The following GABRG3 variants were observed in gnomAD, a reference collection of about 807,000 sequenced individuals.
GABRG3 encodes the protein gamma-aminobutyric acid type A receptor subunit gamma3.
GABRG3 carries 25 observed loss-of-function variants against 48.8 expected under a neutral mutation model. The observed-to-expected ratio is 0.51, with a 90% CI of 0.37 to 0.72. The LOEUF is 0.72. Among genes scored for constraint, GABRG3 ranks in the 30% least tolerant of loss-of-function variants. The probability of loss-of-function intolerance (pLI) is 0.00; values close to 1 mark genes in which losing one functional copy is unlikely to be tolerated. For synonymous variants in GABRG3, 227 were observed against 217.6 expected, an observed-to-expected ratio of 1.04 and a Z score of -0.38; for missense variants, 394 against 577.9, an observed-to-expected ratio of 0.68 and a Z score of 3.26.
chr15:27,404,471 C>T (rs961351130), intron 5 of GABRG3, among the ~76,000 whole-genome samples: 4 of 152,222 alleles, frequency 2.6e-5, no homozygotes, highest in African/African-American at 7.2e-5. Context: ...TATACGTGGG[C>T]GTCAACCAGA....
At chr15:27,445,788 A>G (rs1888926561) in intron 5 of GABRG3, among the ~76,000 whole-genome samples, 2 of 152,272 alleles carry the variant, frequency 1.3e-5, no homozygotes, top group South Asian at 4.1e-4. Flanking sequence ...TTGCAGTACC[A>G]GTTATGTCCC....
chr15:27,471,181 A>C (rs1173315343), intron 5 of GABRG3, among the ~76,000 whole-genome samples: 1 of 152,142 alleles, frequency 6.6e-6, no homozygotes, highest in Non-Finnish European at 1.5e-5. Context: ...GCTGATTAGT[A>C]GGGAATGAAA....
rs1302225791 is a variant in GABRG3 at position 27,307,021 on chromosome 15, T to C, written c.271-19788T>C. 1.7e-4 allele frequency among the ~76,000 whole-genome samples: 20 copies of C among 119,314 alleles called. 3 individuals carry two copies. Among genetic ancestry groups the C allele is most frequent in the Admixed American group, 5.9e-4 (7 of 11,804 alleles). The allele number at this position is 119,314 out of a possible 152,430, so 78.3% of individuals were successfully genotyped here. On this transcript the variant is annotated intron_variant, in intron 3 of 9. Coordinates refer to ENST00000615808, the MANE Select transcript of GABRG3 (RefSeq NM_033223.5). ...ATATAAACATGTATAAACATGTTTA[T>C]ATATAAACATGTATAAAATAAACAT...
chr15:27,424,477 A>G (rs1276740912), intron 5 of GABRG3, among the ~76,000 whole-genome samples: 1 of 149,952 alleles, frequency 6.7e-6, no homozygotes, highest in Non-Finnish European at 1.5e-5. Flanking sequence ...GCTCCCTTGT[A>G]CCTCTTTCAT....
rs1053249964 is a variant in GABRG3 at position 27,180,341 on chromosome 15, G to A, written c.271-146468G>A. On this transcript the variant is annotated intron_variant, in intron 3 of 9. Coordinates refer to ENST00000615808, the MANE Select transcript of GABRG3 (RefSeq NM_033223.5). This position sits in a 1 kb window ranked among gnomAD's most constrained non-coding sequence, Gnocchi z 4.2. ...AGTGAAAGGAAAAAAAAATGAGATTGAACAAGAAGAGCAACTGTAGAATTC... is the reference window on the plus strand; with the variant it reads ...AGTGAAAGGAAAAAAAAATGAGATTAAACAAGAAGAGCAACTGTAGAATTC... 2.0e-5 allele frequency among the ~76,000 whole-genome samples: 3 copies of A among 152,096 alleles called. No homozygotes were observed. The highest frequency in any genetic ancestry group is 4.4e-5 in the Non-Finnish European group (3 of 68,012).
chr15:27,038,186 A>T (rs1405694405), intron 3 of GABRG3, among the ~76,000 whole-genome samples: 1 of 143,976 alleles, frequency 6.9e-6, no homozygotes, highest in Non-Finnish European at 1.6e-5. Flanking sequence ...ATTGCACACA[A>T]GTCTAAGACT....
chr15:27,461,099 C>A (rs1889434471), intron 5 of GABRG3, among the ~76,000 whole-genome samples: 1 of 152,118 alleles, frequency 6.6e-6, no homozygotes, highest in Non-Finnish European at 1.5e-5. Flanking sequence ...TCACTCACTC[C>A]CTCCTCACCA....
At chr15:27,433,335 C>G (rs2140625013) in intron 5 of GABRG3, among the ~76,000 whole-genome samples, 1 of 152,308 alleles carries the variant, frequency 6.6e-6, no homozygotes, top group Middle Eastern at 3.4e-3. Flanking sequence ...GAAAATGGCT[C>G]TTACCAGGCT....
Position 27,019,272 on chromosome 15 carries a change from A to G in GABRG3, c.203-7482A>G, listed in dbSNP as rs368061833. Among the ~76,000 whole-genome samples the G allele has an allele frequency of 2.9e-3, 446 of 151,694 alleles. 6 individuals carry two copies. Among genetic ancestry groups the G allele is most frequent in the African/African-American group, 9.0e-3 (374 of 41,376 alleles). Reference sequence around the variant, plus strand: ...TTTTTAGTAGAGACGGGGTTTCACCATGTTAGCCAGGATGGTCTCAATCTC... The same window carrying G: ...TTTTTAGTAGAGACGGGGTTTCACCGTGTTAGCCAGGATGGTCTCAATCTC... On this transcript the variant is annotated intron_variant, in intron 2 of 9. Transcript: ENST00000615808.
At chr15:27,000,819 C>G (rs1276597371) in intron 2 of GABRG3, among the ~76,000 whole-genome samples, 1 of 152,194 alleles carries the variant, frequency 6.6e-6, no homozygotes, top group Admixed American at 6.5e-5. Flanking sequence ...AGTTGAACCT[C>G]TTTTCTTCAT....
intron 3 of GABRG3, among the ~76,000 whole-genome samples, chr15:27,248,803 CAGAGAGAGAG>C (rs1170812736): frequency 1.0e-4 from 11 of 110,176 alleles, no homozygotes; most frequent in East Asian, 2.5e-4. Flanking sequence ...CACACACACA[CAGAGAGAGAG>C]AGAGAGAGAG....
intron 3 of GABRG3, among the ~76,000 whole-genome samples, chr15:27,262,011 A>AG (rs1890784162): frequency 6.6e-6 from 1 of 152,182 alleles, no homozygotes; most frequent in Admixed American, 6.5e-5. Flanking sequence ...CGAATCCCCA[A>AG]GGAAAGATTC....
chr15:27,181,473 G>A (rs1034997460), intron 3 of GABRG3, among the ~76,000 whole-genome samples: 1 of 152,194 alleles, frequency 6.6e-6, no homozygotes. Context: ...TGGCTGCACA[G>A]AGCCACCATA....
At chr15:27,486,593 A>G (rs1890225890) in intron 6 of GABRG3, among the ~76,000 whole-genome samples, 2 of 152,170 alleles carry the variant, frequency 1.3e-5, no homozygotes, top group African/African-American at 4.8e-5. Context: ...CTCCAGCACT[A>G]GAGTCAGACC....
intron 3 of GABRG3, among the ~76,000 whole-genome samples, chr15:27,316,676 G>C (rs1893241281): frequency 6.6e-6 from 1 of 152,208 alleles, no homozygotes; most frequent in Non-Finnish European, 1.5e-5. Context: ...CCTGAATGAT[G>C]AGGAATTTCG....
At chr15:27,476,228 T>C (rs1889936542) in intron 5 of GABRG3, among the ~76,000 whole-genome samples, 1 of 152,110 alleles carries the variant, frequency 6.6e-6, no homozygotes, top group African/African-American at 2.4e-5. Context: ...ATCAGAGTTG[T>C]TCCAATATGT....
At chr15:27,220,548 C>A (rs1889416989) in intron 3 of GABRG3, among the ~76,000 whole-genome samples, 1 of 152,104 alleles carries the variant, frequency 6.6e-6, no homozygotes, top group Non-Finnish European at 1.5e-5. Flanking sequence ...GTCCCGTTTC[C>A]CCCTTATCTG....
intron 6 of GABRG3, among the ~76,000 whole-genome samples, chr15:27,493,133 C>T (rs1358727362): frequency 6.6e-6 from 1 of 152,098 alleles, no homozygotes; most frequent in Non-Finnish European, 1.5e-5. Flanking sequence ...TTTAAAATCA[C>T]AGAAAAATAC....
At chr15:27,381,007 C>A (rs1227279636) in intron 5 of GABRG3, among the ~76,000 whole-genome samples, 1 of 152,078 alleles carries the variant, frequency 6.6e-6, no homozygotes, top group Non-Finnish European at 1.5e-5. Flanking sequence ...CCTCGTGATC[C>A]ACCCGCCTCG....
Sources: allele counts gnomAD v4.1 joint callset (sites outside exome capture counted in the v4.1 genomes callset), GRCh38; gene constraint gnomAD v4.1.1; non-coding constraint Gnocchi (gnomAD v3.1); transcripts MANE v1.5; gene names NCBI Gene and HGNC (gene_info 2026-07-23, HGNC 2026-07-21).